Variants in NMNAT3 observed in about 807,000 individuals in gnomAD.
NMNAT3 encodes the protein nicotinamide/nicotinic acid mononucleotide adenylyltransferase 3.
A neutral mutation model predicts 24.8 loss-of-function variants in NMNAT3; 21 were observed. The observed-to-expected ratio is 0.85, with a 90% CI of 0.60 to 1.22. The LOEUF is 1.22. Among genes scored for constraint, NMNAT3 ranks in the 50% most tolerant of loss-of-function variants. The pLI is 0.00. For synonymous variants in NMNAT3, 136 were observed against 155.2 expected (o/e 0.88, Z 0.92); for missense variants, 387 against 436.6 (o/e 0.89, Z 1.01).
intron 6 of NMNAT3, among the ~76,000 whole-genome samples, chr3:139,564,750 T>C (rs965644300): frequency 6.6e-6 from 1 of 152,202 alleles, no homozygotes; most frequent in Non-Finnish European, 1.5e-5. Context: ...AATATGTCAC[T>C]AGTAACACAC....
intron 2 of NMNAT3, among the ~76,000 whole-genome samples, chr3:139,633,244 G>A (rs368311566): frequency 4.6e-5 from 7 of 151,144 alleles, no homozygotes; most frequent in East Asian, 2.0e-4. Flanking sequence ...GCAATGGCAC[G>A]ATCTCAACTC....
intron 3 of NMNAT3, among the ~76,000 whole-genome samples, chr3:139,594,396 C>T (rs867485094): frequency 2.6e-5 from 4 of 152,048 alleles, no homozygotes; most frequent in Admixed American, 6.6e-5. Flanking sequence ...AGGAGGAACT[C>T]GTACCATTCC....
At chr3:139,586,765 A>G (rs374319752) in intron 3 of NMNAT3, among the ~76,000 whole-genome samples, 3 of 152,206 alleles carry the variant, frequency 2.0e-5, no homozygotes, top group South Asian at 4.1e-4. Context: ...GGGGAATCAG[A>G]GTGCACAGTT....
intron 5 of NMNAT3, among the ~76,000 whole-genome samples, chr3:139,577,403 C>A (rs1341288871): frequency 6.6e-6 from 1 of 152,130 alleles, no homozygotes; most frequent in Non-Finnish European, 1.5e-5. Flanking sequence ...ATGTCATTTC[C>A]ATTTTATTAG....
At chr3:139,629,938 G>T (rs1489845371) in intron 2 of NMNAT3, among the ~76,000 whole-genome samples, 1 of 152,102 alleles carries the variant, frequency 6.6e-6, no homozygotes, top group Non-Finnish European at 1.5e-5. Flanking sequence ...ATCAGTTAGG[G>T]ATATATTAGC....
chr3:139,637,100 G>C (rs2056530141), intron 2 of NMNAT3: 1 of 152,216 alleles, frequency 6.6e-6, no homozygotes, highest in Admixed American at 6.5e-5. Flanking sequence ...AAGCCAACAA[G>C]TACTTTCTAA....
chr3:139,596,960 A>T (rs550547524), intron 3 of NMNAT3, among the ~76,000 whole-genome samples: 2,361 of 102,648 alleles, frequency 0.023, 141 homozygotes, highest in African/African-American at 0.092. Context: ...ATATATATAT[A>T]TATATTTTTA....
At chr3:139,599,379 C>T (rs1267396364) in intron 3 of NMNAT3, 3 of 702,488 alleles carry the variant, frequency 4.3e-6, no homozygotes, top group Admixed American at 2.0e-5. Context: ...GCCCCTACCA[C>T]CTCATGCACA....
At chr3:139,590,803 A>T (rs1157368841) in intron 3 of NMNAT3, among the ~76,000 whole-genome samples, 1 of 152,152 alleles carries the variant, frequency 6.6e-6, no homozygotes, top group East Asian at 1.9e-4. Flanking sequence ...ATTTTTTTAT[A>T]CTTTTCTTCA....
intron 3 of NMNAT3, among the ~76,000 whole-genome samples, chr3:139,605,183 A>G (rs1182230162): frequency 2.0e-5 from 3 of 152,164 alleles, no homozygotes; most frequent in Non-Finnish European, 4.4e-5. Flanking sequence ...GGGCGGCACA[A>G]AGGGTGCTAC....
intron 1 of NMNAT3, among the ~76,000 whole-genome samples, chr3:139,643,337 A>G (rs1486051545): frequency 6.6e-6 from 1 of 152,210 alleles, no homozygotes; most frequent in Non-Finnish European, 1.5e-5. Flanking sequence ...GAATTGCCAT[A>G]TGATCCAGGA....
chr3:139,608,126 C>T (rs1009215513), intron 3 of NMNAT3, among the ~76,000 whole-genome samples: 2 of 152,176 alleles, frequency 1.3e-5, no homozygotes, highest in Non-Finnish European at 2.9e-5. Flanking sequence ...GAATGATCAT[C>T]GCTTCCCATT....
chr3:139,637,237 C>T (rs1410923662), intron 2 of NMNAT3: 1 of 152,220 alleles, frequency 6.6e-6, no homozygotes, highest in African/African-American at 2.4e-5. Context: ...ACCCATTCCA[C>T]ACCAGTTGAG....
intron 3 of NMNAT3, among the ~76,000 whole-genome samples, chr3:139,618,781 G>T (rs563323251): frequency 6.6e-6 from 1 of 152,180 alleles, no homozygotes; most frequent in Non-Finnish European, 1.5e-5. Context: ...GATGGTTCGG[G>T]TTATGGCTCG....
rs577371013 is a variant in NMNAT3 at position 139,575,865 on chromosome 3, T to G, written c.576-2185A>C. 1.6e-5 allele frequency: 20 copies of G among 1,251,524 alleles called. No individual in the cohort carries two copies. The African/African-American group carries it at 2.9e-4, about 18-fold the overall frequency. The allele number at this position is 1,251,524 out of a possible 1,614,324, so 77.5% of individuals were successfully genotyped here. ...AGGTGTAAAGCCAGCCACATCATGT[T>G]CCCAGCCTGCAGATCCCTGTTTTGA... On this transcript the variant is annotated intron_variant, in intron 5 of 6. Coordinates refer to ENST00000643695, the MANE Select transcript of NMNAT3 (RefSeq NM_001320510.2).
chr3:139,561,781 C>T (rs1367643733), intron 6 of NMNAT3, among the ~76,000 whole-genome samples: 1 of 152,142 alleles, frequency 6.6e-6, no homozygotes, highest in Admixed American at 6.5e-5. Flanking sequence ...ACCAACAAGC[C>T]ATGGGCCTTG....
chr3:139,578,985 A>G lies in NMNAT3; in HGVS notation c.462T>C (p.Ala154=). The G allele has an allele frequency of 6.2e-7, 1 of 1,614,218 alleles. No homozygotes were observed. The highest frequency in any genetic ancestry group is 8.5e-7 in the Non-Finnish European group (1 of 1,180,044). ...GGGCCATGGCCACTCGGTGATGAGA[A>G]GCTGCGAGGTCTTTCTTCCCATAGG... The change falls in exon 5 of 7, where the codon GCT becomes GCC. Residue 154 remains alanine, a synonymous_variant. Coordinates refer to ENST00000643695, the MANE Select transcript of NMNAT3 (RefSeq NM_001320510.2).
chr3:139,637,746 A>T (rs1029594121), intron 2 of NMNAT3: 1 of 151,970 alleles, frequency 6.6e-6, no homozygotes, highest in African/African-American at 2.4e-5. Context: ...TTCCATGCCA[A>T]CTCTCCTGTA....
intron 3 of NMNAT3, among the ~76,000 whole-genome samples, chr3:139,592,095 T>C (rs2054219068): frequency 6.6e-6 from 1 of 152,124 alleles, no homozygotes; most frequent in Non-Finnish European, 1.5e-5. Context: ...AATGTATAAC[T>C]AGACTAACCA....
Sources: gnomAD v4.1 joint callset for allele counts (sites outside exome capture counted in the v4.1 genomes callset) on GRCh38, gnomAD v4.1.1 for gene constraint, MANE v1.5 for transcripts, NCBI Gene and HGNC (gene_info 2026-07-23, HGNC 2026-07-21) for gene names.